ELMO1: variants seen among roughly 807,000 people sequenced by gnomAD.
ELMO1 encodes the protein engulfment and cell motility protein 1.
Under a neutral mutation model 98.9 loss-of-function variants are expected in ELMO1, and 26 were observed. That is an observed-to-expected ratio of 0.26 (90% confidence interval 0.19 to 0.36). The LOEUF is 0.36. Among genes scored for constraint, ELMO1 ranks in the 10% least tolerant of loss-of-function variants. The probability of loss-of-function intolerance (pLI) is 1.00; values close to 1 mark genes in which losing one functional copy is unlikely to be tolerated. For synonymous variants in ELMO1, 346 were observed against 346.0 expected, an observed-to-expected ratio of 1.00 and a Z score of 0.00; for missense variants, 627 against 935.2, an observed-to-expected ratio of 0.67 and a Z score of 4.30.
intron 4 of ELMO1, among the ~76,000 whole-genome samples, chr7:37,292,017 G>C (rs936410366): frequency 1.6e-5 from 2 of 127,200 alleles, no homozygotes; most frequent in Non-Finnish European, 3.5e-5. Context: ...GGACGGTACT[G>C]CTGCCATCTC....
At chr7:36,945,561 C>A in intron 16 of ELMO1, among the ~76,000 whole-genome samples, 1 of 152,192 alleles carries the variant, frequency 6.6e-6, no homozygotes. Context: ...CTCTTAGTTG[C>A]ATAGTTGAAA....
chr7:36,906,477 G>C (rs1338908750), intron 16 of ELMO1, among the ~76,000 whole-genome samples: 2 of 152,170 alleles, frequency 1.3e-5, no homozygotes, highest in African/African-American at 4.8e-5. Flanking sequence ...ATAAGTTGTT[G>C]ATGCCTGGTA....
intron 1 of ELMO1, among the ~76,000 whole-genome samples, chr7:37,417,832 A>C (rs1804294623): frequency 6.6e-6 from 1 of 152,168 alleles, no homozygotes; most frequent in Non-Finnish European, 1.5e-5. Flanking sequence ...ACAGAGCAAG[A>C]CTCTGTCTCA....
chr7:36,956,713 T>C (rs748449752), intron 16 of ELMO1, among the ~76,000 whole-genome samples: 3 of 152,230 alleles, frequency 2.0e-5, no homozygotes, highest in Non-Finnish European at 2.9e-5. Flanking sequence ...ATAAAAAATA[T>C]GTTGTTCCTA....
At chr7:37,077,225 C>T (rs942050198) in intron 15 of ELMO1, among the ~76,000 whole-genome samples, 1 of 152,202 alleles carries the variant, frequency 6.6e-6, no homozygotes, top group Admixed American at 6.5e-5. Context: ...CAATTCAATA[C>T]AGTGTGAGAT....
At chr7:37,013,180 T>C (rs1461860047) in intron 16 of ELMO1, 119 bp downstream of exon 16, 1 of 1,290,904 alleles carries the variant, frequency 7.7e-7, no homozygotes, top group Non-Finnish European at 1.1e-6. Flanking sequence ...GCAACTATCA[T>C]TGCAATCTTC....
intron 4 of ELMO1, among the ~76,000 whole-genome samples, chr7:37,306,708 T>C (rs569515556): frequency 1.3e-5 from 2 of 152,250 alleles, no homozygotes; most frequent in South Asian, 4.1e-4. Context: ...AAGATGAAAA[T>C]ACTGGAGGTG....
At chr7:37,104,268 T>C (rs1784821820) in intron 14 of ELMO1, among the ~76,000 whole-genome samples, 1 of 151,760 alleles carries the variant, frequency 6.6e-6, no homozygotes, top group South Asian at 2.1e-4. Context: ...ATTTGGTGTG[T>C]TAAAATTATA....
intron 1 of ELMO1, among the ~76,000 whole-genome samples, chr7:37,352,645 A>C (rs1801324851): frequency 6.6e-6 from 1 of 152,204 alleles, no homozygotes; most frequent in African/African-American, 2.4e-5. Flanking sequence ...ATGCAATGGA[A>C]AGTGGCAGAG....
intron 4 of ELMO1, among the ~76,000 whole-genome samples, chr7:37,306,342 A>C (rs988458505): frequency 1.3e-5 from 2 of 152,222 alleles, no homozygotes; most frequent in African/African-American, 4.8e-5. Context: ...AATAAGAGAA[A>C]GAATAAAATT....
At chr7:37,333,262 C>T (rs778215047) in intron 2 of ELMO1, among the ~76,000 whole-genome samples, 22 of 152,132 alleles carry the variant, frequency 1.4e-4, no homozygotes, top group African/African-American at 1.9e-4. Context: ...AGATATCCTG[C>T]CACAATTAAC....
intron 1 of ELMO1, among the ~76,000 whole-genome samples, chr7:37,373,578 C>T (rs1364718467): frequency 6.6e-6 from 1 of 151,138 alleles, no homozygotes; most frequent in Non-Finnish European, 1.5e-5. Context: ...CACTGCACTC[C>T]AGCCTGGATG....
intron 2 of ELMO1, among the ~76,000 whole-genome samples, chr7:37,327,291 G>A (rs1172597341): frequency 6.6e-6 from 1 of 152,208 alleles, no homozygotes; most frequent in Non-Finnish European, 1.5e-5. Flanking sequence ...ATTTATGTGT[G>A]TCAAGTTCAC....
chr7:37,201,343 C>T (rs1792283273), intron 13 of ELMO1, among the ~76,000 whole-genome samples: 1 of 152,194 alleles, frequency 6.6e-6, no homozygotes, highest in Non-Finnish European at 1.5e-5. Flanking sequence ...TTACAGCCAA[C>T]ATTCATAGAC....
chr7:37,439,035 C>T lies in ELMO1; in HGVS notation c.-74+9640G>A, dbSNP rs182825007. Among the ~76,000 whole-genome samples, 303 of 152,356 alleles carry T rather than the reference C, an allele frequency of 2.0e-3. 2 individuals are homozygous for T. The highest frequency in any genetic ancestry group is 7.0e-3 in the African/African-American group (290 of 41,580). On this transcript the variant is annotated intron_variant, in intron 1 of 21. Coordinates refer to ENST00000310758, the MANE Select transcript of ELMO1 (RefSeq NM_014800.11). Reference sequence around the variant, plus strand: ...GGAAGGCGGGGGCTGGACAACCTGTCTCCTAGTTGCATTGGCACAGCAAGC... The same window carrying T: ...GGAAGGCGGGGGCTGGACAACCTGTTTCCTAGTTGCATTGGCACAGCAAGC...
intron 13 of ELMO1, among the ~76,000 whole-genome samples, chr7:37,206,585 A>T (rs1034235561): frequency 4.6e-5 from 7 of 152,208 alleles, no homozygotes; most frequent in African/African-American, 1.7e-4. Flanking sequence ...TGCATATGTA[A>T]TTTTGTGTAA....
intron 16 of ELMO1, among the ~76,000 whole-genome samples, chr7:36,973,655 G>A (rs1790181275): frequency 6.6e-6 from 1 of 152,218 alleles, no homozygotes; most frequent in African/African-American, 2.4e-5. Flanking sequence ...CACTTGAGAA[G>A]CCCTTCAGCC....
intron 1 of ELMO1, among the ~76,000 whole-genome samples, chr7:37,430,074 T>A (rs1473755831): frequency 6.6e-6 from 1 of 152,048 alleles, no homozygotes; most frequent in Non-Finnish European, 1.5e-5. Context: ...CTGAGAAAAA[T>A]TTGGCATTGA....
rs541286964 is a variant in ELMO1, at chr7:37,262,859, C to T, written c.244-3509G>A. On this transcript the variant is annotated intron_variant, in intron 5 of 21. Transcript: ENST00000310758. ...TCTTCACCTCTCTTGGCCTCATTTTCCCCATCAGTAGGTACACCAAGGAAC... is the reference window on the plus strand; with the variant it reads ...TCTTCACCTCTCTTGGCCTCATTTTTCCCATCAGTAGGTACACCAAGGAAC... Among the ~76,000 whole-genome samples the T allele has an allele frequency of 3.9e-5, 6 of 152,282 alleles. No individual in the cohort carries two copies. The South Asian group carries it at 6.2e-4, about 16-fold the overall frequency.
Sources: gnomAD v4.1 joint callset for allele counts (sites outside exome capture counted in the v4.1 genomes callset) on GRCh38, gnomAD v4.1.1 for gene constraint, MANE v1.5 for transcripts, NCBI Gene and HGNC (gene_info 2026-07-23, HGNC 2026-07-21) for gene names.